SENP7: variants seen among roughly 807,000 people sequenced by gnomAD.
SENP7 encodes the protein sentrin-specific protease 7.
A neutral mutation model predicts 141.2 loss-of-function variants in SENP7; 64 were observed. The observed-to-expected ratio is 0.45, with a 90% CI of 0.37 to 0.56. The LOEUF is 0.56. Ranked by LOEUF, SENP7 falls within the 20% of genes least tolerant of loss-of-function variation. The pLI is 0.00. For missense variants in SENP7, 1,025 were observed against 1,212.2 expected (o/e 0.85, Z 2.29); for synonymous variants, 382 against 426.4 (o/e 0.90, Z 1.28).
In SENP7 at chr3:101,364,904, G is replaced by A. The variant is rs866999114; in HGVS notation, c.1406C>T (p.Thr469Ile). 1 of 1,603,532 alleles carries A rather than the reference G, an allele frequency of 6.2e-7. No homozygotes were observed. Among genetic ancestry groups the A allele is most frequent in the Middle Eastern group, 1.7e-4 (1 of 6,032 alleles). Residue 469 changes from threonine (T) to isoleucine (I), a missense_variant, in exon 10 of 24, where the codon ACT becomes ATT. By Grantham distance (89) the Thr-to-Ile change is moderately conservative (BLOSUM62 -1). Around this residue, in one of 4 missense-constraint regions of SENP7, gnomAD observed 228 missense variants for 228.5 expected, o/e 1.00. Transcript: ENST00000394095. ...KLQSKQDRET[T>I]NENESTSESA... ...TTCAGAAGTACTCTCATTTTCATTA[G>A]TTGTCTCACGGTCTTGCTTAGATTG... is the stretch of plus-strand genomic sequence containing the variant.
intron 4 of SENP7, among the ~76,000 whole-genome samples, chr3:101,447,438 T>C (rs1047679576): frequency 6.6e-6 from 1 of 151,670 alleles, no homozygotes; most frequent in Non-Finnish European, 1.5e-5. Flanking sequence ...CAAGATCCTG[T>C]CTCAAAAAAA....
Position 101,443,828 on chromosome 3 carries a change from C to T in SENP7, c.284+15127G>A, listed in dbSNP as rs532613601. Among the ~76,000 whole-genome samples, 834 of 142,544 alleles carry T rather than the reference C, an allele frequency of 5.9e-3. 13 individuals are homozygous for T. Among genetic ancestry groups the T allele is most frequent in the African/African-American group, 0.022 (800 of 37,042 alleles). 93.5% of individuals were successfully genotyped at this position (142,544 alleles called of 152,430 possible). A position where few individuals can be genotyped will look rare whatever the true frequency, so the allele number is the denominator to read the frequency against. On this transcript the variant is annotated intron_variant, in intron 4 of 23. Coordinates refer to ENST00000394095, the MANE Select transcript of SENP7 (RefSeq NM_020654.5). ...AGACTTTGCTGAAGTTGCTTATCAG[C>T]TTAAGGAGATTTTGGGCTGAGACGA...
chr3:101,343,841 G>T lies in SENP7; in HGVS notation c.1951C>A (p.Leu651Ile), dbSNP rs1468880494. The change falls in exon 14 of 24, where the codon CTT (leucine) becomes ATT (isoleucine). Residue 651 changes from leucine (L) to isoleucine (I), a missense_variant. Transcript: ENST00000394095. ...TGAACCCAAGACAACGGGTAAGAAA[G>T]CTCTAATTCTCCACTGATTATACTT... is the stretch of plus-strand genomic sequence containing the variant. ...EISIISGELE[L>I]SYPLSWVQAF... 1 of 1,613,830 alleles carries T rather than the reference G, an allele frequency of 6.2e-7. No homozygotes were observed. Among genetic ancestry groups the T allele is most frequent in the Admixed American group, 1.7e-5 (1 of 59,994 alleles).
chr3:101,357,092 C>T (rs2059764251), intron 11 of SENP7, among the ~76,000 whole-genome samples: 2 of 152,196 alleles, frequency 1.3e-5, no homozygotes, highest in South Asian at 4.2e-4. Flanking sequence ...CCTCCGCCTC[C>T]TGGGTTCAAG....
At chr3:101,481,900 A>T (rs2064498636) in intron 3 of SENP7, among the ~76,000 whole-genome samples, 1 of 152,226 alleles carries the variant, frequency 6.6e-6, no homozygotes, top group Non-Finnish European at 1.5e-5. Flanking sequence ...AAGCAATTAC[A>T]GCGAGGTTGC....
At chr3:101,400,643 T>C (rs2061107963) in intron 5 of SENP7, among the ~76,000 whole-genome samples, 1 of 151,724 alleles carries the variant, frequency 6.6e-6, no homozygotes, top group African/African-American at 2.4e-5. Flanking sequence ...TTCTGACTGC[T>C]TCACCTACCA....
intron 1 of SENP7, among the ~76,000 whole-genome samples, chr3:101,502,620 G>C: frequency 1.6e-5 from 2 of 125,084 alleles, no homozygotes; most frequent in South Asian, 3.0e-4. Context: ...AAAGAAAAAA[G>C]AAAAAAAAAA....
intron 11 of SENP7, 75 bp downstream of exon 11, chr3:101,361,640 A>C (rs547714242): frequency 3.6e-6 from 5 of 1,392,786 alleles, no homozygotes; most frequent in East Asian, 2.6e-5. Flanking sequence ...ATTTGTGCTA[A>C]GAAAAAAAAG....
intron 4 of SENP7, among the ~76,000 whole-genome samples, chr3:101,425,629 C>T (rs2061935662): frequency 6.6e-6 from 1 of 152,142 alleles, no homozygotes; most frequent in Non-Finnish European, 1.5e-5. Context: ...AGAACCGAAC[C>T]ATCTCTCCAG....
intron 1 of SENP7, among the ~76,000 whole-genome samples, chr3:101,505,043 C>T (rs974931199): frequency 5.3e-5 from 8 of 151,060 alleles, no homozygotes; most frequent in Non-Finnish European, 7.4e-5. Flanking sequence ...CCAGTCTGGA[C>T]GACAGAGCGA....
intron 3 of SENP7, among the ~76,000 whole-genome samples, chr3:101,469,067 T>G (rs1020392875): frequency 2.0e-5 from 3 of 152,132 alleles, no homozygotes; most frequent in African/African-American, 7.2e-5. Context: ...GTTGCAATCC[T>G]AGTCTCTGAT....
intron 8 of SENP7, 28 bp from the exon 9 acceptor site, chr3:101,366,797 G>T: frequency 1.4e-6 from 2 of 1,465,300 alleles, no homozygotes; most frequent in East Asian, 4.6e-5. Context: ...GAAAAAAATA[G>T]CATTTTTCAA....
At chr3:101,431,720 G>A (rs913792945) in intron 4 of SENP7, among the ~76,000 whole-genome samples, 1 of 151,702 alleles carries the variant, frequency 6.6e-6, no homozygotes, top group African/African-American at 2.4e-5. Context: ...GGAGGCAGAG[G>A]TTGCAGTGCA....
At chr3:101,377,958 G>A (rs2060381893) in intron 6 of SENP7, among the ~76,000 whole-genome samples, 1 of 152,152 alleles carries the variant, frequency 6.6e-6, no homozygotes, top group South Asian at 2.1e-4. Context: ...ACAGCTTGGT[G>A]ATAACCTTTA....
At chr3:101,490,095 A>T (rs2064902583) in intron 3 of SENP7, among the ~76,000 whole-genome samples, 1 of 151,920 alleles carries the variant, frequency 6.6e-6, no homozygotes, top group Non-Finnish European at 1.5e-5. Context: ...GTGGTGGGAG[A>T]AATCGCTTGA....
intron 3 of SENP7, among the ~76,000 whole-genome samples, chr3:101,482,251 T>C (rs1576486538): frequency 6.6e-6 from 1 of 151,238 alleles, no homozygotes; most frequent in Non-Finnish European, 1.5e-5. Context: ...AGACGGAGCT[T>C]GCAGTGAGCC....
intron 1 of SENP7, among the ~76,000 whole-genome samples, chr3:101,501,506 T>C (rs1442636064): frequency 2.0e-5 from 3 of 152,158 alleles, no homozygotes; most frequent in Non-Finnish European, 4.4e-5. Context: ...GGTGAAATTC[T>C]AGAAGTTAGA....
chr3:101,483,787 C>T (rs2064605382), intron 3 of SENP7, among the ~76,000 whole-genome samples: 1 of 152,088 alleles, frequency 6.6e-6, no homozygotes, highest in Non-Finnish European at 1.5e-5. Context: ...TTTGGGAGGC[C>T]GAGGCTGGCT....
At chr3:101,393,709 TAATC>T (rs751690374) in intron 6 of SENP7, among the ~76,000 whole-genome samples, 1 of 152,202 alleles carries the variant, frequency 6.6e-6, no homozygotes, top group Non-Finnish European at 1.5e-5. Flanking sequence ...AGCTCACAGT[TAATC>T]AAGCTGAAAA....
Sources: allele counts gnomAD v4.1 joint callset (sites outside exome capture counted in the v4.1 genomes callset), GRCh38; gene constraint gnomAD v4.1.1; regional missense constraint gnomAD v4.1.1; transcripts MANE v1.5; gene names NCBI Gene and HGNC (gene_info 2026-07-23, HGNC 2026-07-21).